PLPPR1: variants seen among roughly 807,000 people sequenced by gnomAD.
The protein encoded by PLPPR1 is phospholipid phosphatase-related protein type 1.
Under a neutral mutation model 33.1 loss-of-function variants are expected in PLPPR1, and 10 were observed. The ratio of observed to expected loss-of-function variants is 0.30; its 90% CI spans 0.19 to 0.51. PLPPR1 has a LOEUF of 0.51. PLPPR1 is among the 20% of genes least tolerant of loss of function. PLPPR1 has a pLI of 0.97. For missense variants in PLPPR1, 304 were observed against 408.1 expected, an observed-to-expected ratio of 0.74 and a Z score of 2.20; for synonymous variants, 151 against 151.0, an observed-to-expected ratio of 1.00 and a Z score of 0.00.
intron 1 of PLPPR1, among the ~76,000 whole-genome samples, chr9:101,054,717 T>G (rs1168968083): frequency 1.3e-5 from 2 of 152,134 alleles, no homozygotes; most frequent in African/African-American, 2.4e-5. Context: ...TGGAGGGAAT[T>G]CCAAATAAAT....
chr9:101,204,666 G>A (rs1826555843), intron 2 of PLPPR1, among the ~76,000 whole-genome samples: 1 of 152,118 alleles, frequency 6.6e-6, no homozygotes, highest in Non-Finnish European at 1.5e-5. Context: ...TGGGAGTACT[G>A]AATGGATTTC....
intron 7 of PLPPR1, 78 bp downstream of exon 7, chr9:101,317,574 C>A (rs1481209296): frequency 3.0e-6 from 4 of 1,347,836 alleles, no homozygotes; most frequent in Non-Finnish European, 4.1e-6. Flanking sequence ...ATGAATACCA[C>A]TTAATCTACC....
intron 6 of PLPPR1, among the ~76,000 whole-genome samples, chr9:101,315,896 G>A (rs1030233973): frequency 2.2e-4 from 34 of 152,266 alleles, no homozygotes; most frequent in African/African-American, 7.2e-4. Context: ...CCCATGAGGC[G>A]GAATGTGGGA....
chr9:101,252,319 G>A (rs1827726465), intron 2 of PLPPR1, among the ~76,000 whole-genome samples: 1 of 152,138 alleles, frequency 6.6e-6, no homozygotes, highest in Non-Finnish European at 1.5e-5. Flanking sequence ...CAAGCTAGAT[G>A]AACTAGGTGT....
chr9:101,206,356 C>T (rs1204832898), intron 2 of PLPPR1, among the ~76,000 whole-genome samples: 1 of 152,180 alleles, frequency 6.6e-6, no homozygotes, highest in African/African-American at 2.4e-5. Context: ...TCTGGAAGTT[C>T]TCCTTTGAGT....
At chr9:101,243,429 G>C (rs992655962) in intron 2 of PLPPR1, among the ~76,000 whole-genome samples, 2 of 151,874 alleles carry the variant, frequency 1.3e-5, no homozygotes, top group Admixed American at 6.6e-5. Flanking sequence ...ATATGAAGAG[G>C]AACAGTTTTG....
At chr9:101,228,980 A>G (rs908658407) in intron 2 of PLPPR1, among the ~76,000 whole-genome samples, 34 of 146,788 alleles carry the variant, frequency 2.3e-4, no homozygotes, top group Non-Finnish European at 2.0e-4. Context: ...GAGTTAATAT[A>G]AAGTGTTTCA....
intron 2 of PLPPR1, among the ~76,000 whole-genome samples, chr9:101,255,227 G>T (rs1457718713): frequency 6.6e-6 from 1 of 152,080 alleles, no homozygotes. Flanking sequence ...AGTTTGATTT[G>T]TTGTGCAGTT....
intron 4 of PLPPR1, among the ~76,000 whole-genome samples, chr9:101,308,692 C>A (rs1287460805): frequency 6.6e-6 from 1 of 150,894 alleles, no homozygotes; most frequent in African/African-American, 2.5e-5. Flanking sequence ...TTACTCTCAC[C>A]TGCCATGTTG....
intron 1 of PLPPR1, among the ~76,000 whole-genome samples, chr9:101,047,204 A>G (rs933049109): frequency 2.6e-5 from 4 of 152,188 alleles, no homozygotes; most frequent in African/African-American, 2.4e-5. Context: ...CCCTCCTCTC[A>G]TATACATACA....
intron 4 of PLPPR1, among the ~76,000 whole-genome samples, chr9:101,303,157 T>C (rs1828783869): frequency 6.6e-6 from 1 of 151,328 alleles, no homozygotes; most frequent in African/African-American, 2.4e-5. Flanking sequence ...CTAATTTTTG[T>C]ATTTTTAGTA....
chr9:101,153,142 G>T (rs1174225049), intron 1 of PLPPR1, among the ~76,000 whole-genome samples: 3 of 152,136 alleles, frequency 2.0e-5, no homozygotes, highest in Non-Finnish European at 4.4e-5. Flanking sequence ...TTCCTCAGTA[G>T]TTTATTCTCT....
At chr9:101,042,049 T>C (rs1340215579) in intron 1 of PLPPR1, among the ~76,000 whole-genome samples, 1 of 152,020 alleles carries the variant, frequency 6.6e-6, no homozygotes, top group South Asian at 2.1e-4. Context: ...ATAGAGAAAA[T>C]ATAATTTATA....
intron 1 of PLPPR1, among the ~76,000 whole-genome samples, chr9:101,081,247 G>A (rs751577601): frequency 6.6e-6 from 1 of 151,812 alleles, no homozygotes; most frequent in South Asian, 2.1e-4. Context: ...ACAGAGTCTC[G>A]CTCTGTCACC....
At chr9:101,196,507 A>G (rs933399273) in intron 2 of PLPPR1, among the ~76,000 whole-genome samples, 5 of 152,230 alleles carry the variant, frequency 3.3e-5, no homozygotes, top group African/African-American at 9.6e-5. Flanking sequence ...ACTAAACTAC[A>G]GAGTATTGGT....
chr9:101,294,107 T>C (rs1828572351), intron 4 of PLPPR1, among the ~76,000 whole-genome samples: 1 of 152,234 alleles, frequency 6.6e-6, no homozygotes, highest in East Asian at 1.9e-4. Context: ...CAATAAAAAA[T>C]GATAAAGGGG....
chr9:101,049,419 A>G (rs1053256375), intron 1 of PLPPR1, among the ~76,000 whole-genome samples: 1 of 152,244 alleles, frequency 6.6e-6, no homozygotes, highest in Non-Finnish European at 1.5e-5. Context: ...CTTTATGTCT[A>G]TTCACCTGGA....
chr9:101,322,902 C>G (rs1330363880), intron 7 of PLPPR1, among the ~76,000 whole-genome samples: 1 of 152,054 alleles, frequency 6.6e-6, no homozygotes, highest in African/African-American at 2.4e-5. Flanking sequence ...GACCATGATA[C>G]AAGTCTCAAG....
At chr9:101,038,584 ACTG>A (rs1830039096) in intron 1 of PLPPR1, among the ~76,000 whole-genome samples, 1 of 152,138 alleles carries the variant, frequency 6.6e-6, no homozygotes, top group Non-Finnish European at 1.5e-5. Context: ...GGGTTCCACA[ACTG>A]GTGATTGAAG....
Sources: allele counts gnomAD v4.1 joint callset (sites outside exome capture counted in the v4.1 genomes callset), GRCh38; gene constraint gnomAD v4.1.1; transcripts MANE v1.5; gene names NCBI Gene and HGNC (gene_info 2026-07-23, HGNC 2026-07-21).